Variants in PRKD1 observed in about 807,000 individuals in gnomAD.
PRKD1 encodes the protein protein kinase D1, also known as serine/threonine-protein kinase D1.
In PRKD1, 63 loss-of-function variants were observed where a neutral mutation model predicts 95.9. The observed-to-expected ratio is 0.66, with a 90% CI of 0.54 to 0.81. PRKD1 has a LOEUF of 0.81. PRKD1 is among the 30% of genes least tolerant of loss of function. PRKD1 has a pLI of 0.00. For missense variants in PRKD1, 1,048 were observed against 1,165.3 expected (o/e 0.90, Z 1.47); for synonymous variants, 425 against 423.1 (o/e 1.00, Z -0.05).
chr14:29,578,194 T>C, intron 17 of PRKD1, 81 bp downstream of exon 17: 1 of 1,109,334 alleles, frequency 9.0e-7, no homozygotes, highest in Non-Finnish European at 1.3e-6. Flanking sequence ...TAAAAATTAT[T>C]GCAAAAGATT....
At chr14:29,659,642 G>A (rs1335319063) in intron 4 of PRKD1, among the ~76,000 whole-genome samples, 3 of 152,098 alleles carry the variant, frequency 2.0e-5, no homozygotes, top group East Asian at 1.9e-4. Context: ...TTATTAACAG[G>A]TGTTCTTTCA....
chr14:29,583,900 T>C (rs893560964), intron 16 of PRKD1, among the ~76,000 whole-genome samples: 1 of 152,212 alleles, frequency 6.6e-6, no homozygotes, highest in Non-Finnish European at 1.5e-5. Flanking sequence ...GTTACTCTCC[T>C]TCTAACTTCC....
intron 1 of PRKD1, among the ~76,000 whole-genome samples, chr14:29,844,212 G>T (rs1168633711): frequency 1.3e-5 from 2 of 152,190 alleles, no homozygotes; most frequent in Non-Finnish European, 2.9e-5. Context: ...AGAGGCAAGT[G>T]CAAGGAACTA....
chr14:29,679,374 T>C (rs568924162), intron 2 of PRKD1, among the ~76,000 whole-genome samples: 16 of 152,320 alleles, frequency 1.1e-4, no homozygotes, highest in African/African-American at 3.8e-4. Flanking sequence ...CACTCAAAGA[T>C]TGCATCTAAC....
intron 4 of PRKD1, among the ~76,000 whole-genome samples, chr14:29,649,785 T>A (rs1193528566): frequency 6.6e-6 from 1 of 152,230 alleles, no homozygotes; most frequent in African/African-American, 2.4e-5. Flanking sequence ...TAAAGTTTTT[T>A]AATATACATT....
At chr14:29,700,969 TGCGCATGCGCGCGCGC>T (rs1884800984) in intron 2 of PRKD1, among the ~76,000 whole-genome samples, 1 of 37,000 alleles carries the variant, frequency 2.7e-5, no homozygotes, top group South Asian at 1.1e-3. Context: ...TGTGTACGCG[TGCGCATGCGCGCGCGC>T]GCGCACACAC....
chr14:29,733,027 G>C (rs17477600), intron 1 of PRKD1, among the ~76,000 whole-genome samples: 26,416 of 147,542 alleles, frequency 0.18, 2,590 homozygotes, highest in South Asian at 0.27. Flanking sequence ...TTTAGGGGAG[G>C]TTCAGTTTGG....
intron 1 of PRKD1, among the ~76,000 whole-genome samples, chr14:29,921,405 T>C (rs1895101653): frequency 6.6e-6 from 1 of 151,630 alleles, no homozygotes; most frequent in East Asian, 1.9e-4. Context: ...AGATAATAAA[T>C]ATAAATTTCT....
At chr14:29,927,190 C>T (rs1895333505) in intron 1 of PRKD1, 59 bp downstream of exon 1, 2 of 1,410,294 alleles carry the variant, frequency 1.4e-6, no homozygotes, top group South Asian at 1.5e-5. Flanking sequence ...GAGGGCCAGC[C>T]GGGCAGCGCC....
intron 11 of PRKD1, among the ~76,000 whole-genome samples, 160 bp from the exon 12 acceptor site, chr14:29,626,716 C>T (rs1024657509): frequency 3.5e-5 from 4 of 115,892 alleles, no homozygotes; most frequent in Admixed American, 2.7e-4. Flanking sequence ...TCAAAGCACA[C>T]TCTTTTTTTT....
intron 1 of PRKD1, among the ~76,000 whole-genome samples, chr14:29,855,896 T>C (rs1204440352): frequency 2.0e-5 from 3 of 152,218 alleles, no homozygotes; most frequent in African/African-American, 7.2e-5. Context: ...CTTTCCACCA[T>C]GATTGTGAGG....
chr14:29,816,523 T>C (rs1380938019), intron 1 of PRKD1, among the ~76,000 whole-genome samples: 3 of 152,240 alleles, frequency 2.0e-5, no homozygotes, highest in Admixed American at 1.3e-4. Flanking sequence ...TTAAATAAAC[T>C]GGAGAGTTAT....
At chr14:29,712,133 AC>A (rs35008049) in intron 2 of PRKD1, among the ~76,000 whole-genome samples, 1 of 152,122 alleles carries the variant, frequency 6.6e-6, no homozygotes, top group East Asian at 1.9e-4. Context: ...GTTTCCTAAC[AC>A]CCATCACTCC....
chr14:29,684,692 C>T (rs537874592), intron 2 of PRKD1, among the ~76,000 whole-genome samples: 361 of 152,288 alleles, frequency 2.4e-3, no homozygotes, highest in Middle Eastern at 0.01. Context: ...AGGATAGTCT[C>T]AGTCTGCTAA....
chr14:29,919,106 G>T (rs1894992978), intron 1 of PRKD1, among the ~76,000 whole-genome samples: 2 of 152,192 alleles, frequency 1.3e-5, no homozygotes, highest in Admixed American at 6.5e-5. Context: ...AGTCAGAATA[G>T]ATGCCAATGA....
chr14:29,674,811 AG>A (rs774379321), intron 2 of PRKD1, among the ~76,000 whole-genome samples: 33 of 152,336 alleles, frequency 2.2e-4, no homozygotes, highest in Non-Finnish European at 3.5e-4. Flanking sequence ...GATAGGCAGC[AG>A]GGCTTCTCAG....
chr14:29,858,411 T>C (rs1566640067), intron 1 of PRKD1, among the ~76,000 whole-genome samples: 2 of 152,222 alleles, frequency 1.3e-5, no homozygotes, highest in Non-Finnish European at 2.9e-5. Flanking sequence ...ACAGGAAATG[T>C]CTCTATAAGA....
chr14:29,674,376 T>C (rs957161389), intron 2 of PRKD1, among the ~76,000 whole-genome samples: 9 of 152,152 alleles, frequency 5.9e-5, no homozygotes, highest in African/African-American at 2.2e-4. Context: ...CTGTGTCTAG[T>C]TCCTTCCCTA....
At chr14:29,870,010 T>A (rs1893047641) in intron 1 of PRKD1, among the ~76,000 whole-genome samples, 1 of 152,216 alleles carries the variant, frequency 6.6e-6, no homozygotes, top group African/African-American at 2.4e-5. Context: ...GGTTAACTTA[T>A]GGCTCCACAG....
Sources: gnomAD v4.1 joint callset for allele counts (sites outside exome capture counted in the v4.1 genomes callset) on GRCh38, gnomAD v4.1.1 for gene constraint, MANE v1.5 for transcripts, NCBI Gene and HGNC (gene_info 2026-07-23, HGNC 2026-07-21) for gene names.